Variants in TULP1 observed in about 807,000 individuals in gnomAD.
The protein encoded by TULP1 is tubby-related protein 1.
TULP1 carries 50 observed loss-of-function variants against 67.1 expected under a neutral mutation model. That is an observed-to-expected ratio of 0.75 (90% CI 0.59 to 0.94). TULP1 has a LOEUF of 0.94. Ranked by LOEUF, TULP1 falls within the 40% of genes least tolerant of loss-of-function variation. TULP1 has a pLI of 0.00. For synonymous variants in TULP1, 297 were observed against 294.0 expected (o/e 1.01, Z -0.11); for missense variants, 746 against 734.1 (o/e 1.02, Z -0.19).
At chr6:35,505,494 G>A in intron 11 of TULP1, 1 of 1,081,764 alleles carries the variant, frequency 9.2e-7, no homozygotes. Context: ...CCCTGGGCTG[G>A]CAGCAGTGTG....
Position 35,512,230 on chromosome 6 carries a change from T to C in TULP1, c.140A>G (p.Glu47Gly). Residue 47 changes from glutamate (E) to glycine (G), a missense_variant, in exon 3 of 15, where the codon GAG becomes GGG. Physicochemically the swap from Glu to Gly is moderately conservative, Grantham distance 98. Around this residue, in one of 3 missense-constraint regions of TULP1, gnomAD observed 359 missense variants for 341.9 expected, o/e 1.05. Coordinates refer to ENST00000229771, the MANE Select transcript of TULP1 (RefSeq NM_003322.6). ...PAQRLRKKRT[E>G]APESPCPTGS... ...CGTGGGGCAGGGGGATTCGGGGGCC[T>C]CCGTCCTCTTCTTCCTTAGCCTCTG... is the stretch of plus-strand genomic sequence containing the variant. The C allele has an allele frequency of 2.2e-6, 3 of 1,374,518 alleles. No homozygotes were observed. Among genetic ancestry groups the C allele is most frequent in the South Asian group, 2.1e-5 (1 of 47,580 alleles). 85.1% of individuals were successfully genotyped at this position (1,374,518 alleles called of 1,614,324 possible).
chr6:35,512,184 G>C lies in TULP1; in HGVS notation c.186C>G (p.Pro62=), dbSNP rs1435991385. ...PCPTGSKPRK[P]GAGRTGRPRE... ...CGGGCTCTGCACCCCGCCCACCTCC[G>C]GGCTTCCGGGGCTTGGATCCCGTGG... The change falls in exon 3 of 15, where the codon CCC becomes CCG. Residue 62 remains proline, a synonymous_variant. Transcript: ENST00000229771. 17 of 1,346,202 alleles carry C rather than the reference G, an allele frequency of 1.3e-5. No homozygotes were observed. The highest frequency in any genetic ancestry group is 2.8e-5 in the East Asian group (1 of 35,948). The allele number at this position is 1,346,202 out of a possible 1,614,324, so 83.4% of individuals were successfully genotyped here. A position where few individuals can be genotyped will look rare whatever the true frequency, so the allele number is the denominator to read the frequency against.
chr6:35,505,838 C>T lies in TULP1; in HGVS notation c.1015G>A (p.Gly339Ser). Residue 339 changes from glycine (G) to serine (S), a missense_variant, in exon 11 of 15, where the codon GGC becomes AGC. Transcript: ENST00000229771. ...GTCTTGCTCCGTTTTCGTTTCCTGCCAGCCAAGAGGAACACCTGGGGAAAA... is the reference window on the plus strand; with the variant it reads ...GTCTTGCTCCGTTTTCGTTTCCTGCTAGCCAAGAGGAACACCTGGGGAAAA... ...DTEKKVFLLA[G>S]RKRKRSKTAN... is the part of the protein sequence containing the mutation. The T allele has an allele frequency of 6.2e-7, 1 of 1,614,186 alleles. No individual in the cohort carries two copies. The highest frequency in any genetic ancestry group is 1.3e-5 in the African/African-American group (1 of 75,040).
chr6:35,501,750 T>C (rs1760967805), intron 13 of TULP1, among the ~76,000 whole-genome samples: 1 of 152,216 alleles, frequency 6.6e-6, no homozygotes, highest in South Asian at 2.1e-4. Flanking sequence ...AAGTAGAGGT[T>C]GCAGTGAGTT....
At chr6:35,500,222 G>A (rs1219507576) in intron 13 of TULP1, 70 bp from the exon 14 acceptor site, 17 of 1,553,154 alleles carry the variant, frequency 1.1e-5, no homozygotes, top group African/African-American at 1.4e-5. Flanking sequence ...AGGACTGACC[G>A]GAGAAGGGGC....
chr6:35,506,180 G>C lies in TULP1; in HGVS notation c.829-7C>G, dbSNP rs780382505. 3.7e-6 allele frequency: 6 copies of C among 1,613,192 alleles called. No homozygotes were observed. In the African/African-American group the frequency reaches 5.3e-5, roughly 14 times the overall value. ...ACGGGGCCCTCTCCTCCTTCTGGGT[G>C]GGGGCAGAGGGTACATCAGCCCCAG... On this transcript the variant is annotated splice_polypyrimidine_tract_variant and splice_region_variant and intron_variant, in intron 9 of 14. Coordinates refer to ENST00000229771, the MANE Select transcript of TULP1 (RefSeq NM_003322.6).
rs748624151 is a variant in TULP1 at position 35,506,135 on chromosome 6, G to A, written c.867C>T (p.Asp289=). ...ERAPSPPVEV[D]EPREFVLRPA... is the part of the protein sequence containing the mutation. ...GCCGGAGCACAAACTCCCGGGGTTCGTCCACCTCCACGGGGGGAGACGGGG... is the reference window on the plus strand; with the variant it reads ...GCCGGAGCACAAACTCCCGGGGTTCATCCACCTCCACGGGGGGAGACGGGG... Residue 289 remains aspartate (D), a synonymous_variant, in exon 10 of 15, where the codon GAC becomes GAT. Coordinates refer to ENST00000229771, the MANE Select transcript of TULP1 (RefSeq NM_003322.6). 8.1e-6 allele frequency: 13 copies of A among 1,613,498 alleles called. No homozygotes were observed. Among genetic ancestry groups the A allele is most frequent in the South Asian group, 3.3e-5 (3 of 91,066 alleles).
Position 35,505,823 on chromosome 6 carries a change from G to A in TULP1, c.1030C>T (p.Arg344Trp). The change falls in exon 11 of 15, where the codon CGG (arginine) becomes TGG (tryptophan). Residue 344 changes from arginine to tryptophan, a missense_variant. Arg to Trp is a moderately radical substitution (Grantham distance 101). Around this residue, in one of 3 missense-constraint regions of TULP1, gnomAD observed 383 missense variants for 374.1 expected, o/e 1.02. Coordinates refer to ENST00000229771, the MANE Select transcript of TULP1 (RefSeq NM_003322.6). ...VFLLAGRKRKRSKTANYLISI... is the reference protein window; with the variant it reads ...VFLLAGRKRKWSKTANYLISI... ...ATGAGGTAATTGGCTGTCTTGCTCC[G>A]TTTTCGTTTCCTGCCAGCCAAGAGG... 6.2e-7 allele frequency: 1 copy of A among 1,614,174 alleles called. No homozygotes were observed. The highest frequency in any genetic ancestry group is 8.5e-7 in the Non-Finnish European group (1 of 1,180,042).
chr6:35,499,931 C>T (rs771889677), intron 14 of TULP1, 50 bp downstream of exon 14: 1 of 1,607,578 alleles, frequency 6.2e-7, no homozygotes, highest in South Asian at 1.1e-5. Context: ...TGAAGGTCAG[C>T]ATCCTGGGGG....
intron 3 of TULP1, 63 bp downstream of exon 3, chr6:35,512,117 T>A: frequency 1.2e-6 from 1 of 849,950 alleles, no homozygotes; most frequent in Non-Finnish European, 1.5e-6. Context: ...GCGCCGGCCC[T>A]CAAGCCCCTC....
At position 35,497,995 on chromosome 6, in the gene TULP1, A is replaced by C; in HGVS notation, c.*332T>G. ...CCTAGCGCGGTCCCGGGGAGAGGGG[A>C]GGTTAAAACAACAATGACTACTGCT... On this transcript the variant is annotated 3_prime_UTR_variant, in exon 15 of 15. Transcript: ENST00000229771. The C allele has an allele frequency of 4.4e-6, 2 of 457,836 alleles. No homozygotes were observed. Among genetic ancestry groups the C allele is most frequent in the Non-Finnish European group, 4.0e-6 (1 of 249,298 alleles). The allele number at this position is 457,836 out of a possible 1,614,324, so 28.4% of individuals were successfully genotyped here. A position where few individuals can be genotyped will look rare whatever the true frequency, so the allele number is the denominator to read the frequency against.
intron 3 of TULP1, 134 bp downstream of exon 3, chr6:35,512,046 T>G: frequency 4.0e-6 from 1 of 251,216 alleles, no homozygotes; most frequent in Non-Finnish European, 6.3e-6. Flanking sequence ...CCCCAATCCC[T>G]CCCCTCTCAT....
Position 35,497,925 on chromosome 6 carries a change from C to G in TULP1, c.*402G>C, listed in dbSNP as rs577224839. ...GATGTGGGTGCCTGGCCCTCGTCCCCCATCACCTACCCCCTCCTCCTAGCC... is the reference window on the plus strand; with the variant it reads ...GATGTGGGTGCCTGGCCCTCGTCCCGCATCACCTACCCCCTCCTCCTAGCC... On this transcript the variant is annotated 3_prime_UTR_variant, in exon 15 of 15. Transcript: ENST00000229771. 3 of 282,028 alleles carry G rather than the reference C, an allele frequency of 1.1e-5. No homozygotes were observed. The South Asian group carries it at 1.3e-4, about 12-fold the overall frequency. 17.5% of individuals were successfully genotyped at this position (282,028 alleles called of 1,614,324 possible).
rs1422751896 is a variant in TULP1 at position 35,511,731 on chromosome 6, G to A, written c.266C>T (p.Ala89Val). 10 of 1,591,132 alleles carry A rather than the reference G, an allele frequency of 6.3e-6. No homozygotes were observed. The highest frequency in any genetic ancestry group is 8.6e-6 in the Non-Finnish European group (10 of 1,169,172). ...GGCCTCGGGGTCCCTGAGGAACCTG[G>A]CGTAGACCGTCTGCGGCGCCCGGGC... ...AQARAPQTVY[A>V]RFLRDPEAKK... Residue 89 changes from alanine to valine, a missense_variant, in exon 4 of 15, where the codon GCC becomes GTC. Coordinates refer to ENST00000229771, the MANE Select transcript of TULP1 (RefSeq NM_003322.6).
Position 35,497,990 on chromosome 6 carries a change from A to G in TULP1, c.*337T>C. On this transcript the variant is annotated 3_prime_UTR_variant, in exon 15 of 15. Coordinates refer to ENST00000229771, the MANE Select transcript of TULP1 (RefSeq NM_003322.6). Reference sequence around the variant, plus strand: ...GGAGCCCTAGCGCGGTCCCGGGGAGAGGGGAGGTTAAAACAACAATGACTA... The same window carrying G: ...GGAGCCCTAGCGCGGTCCCGGGGAGGGGGGAGGTTAAAACAACAATGACTA... The G allele has an allele frequency of 2.3e-6, 1 of 429,276 alleles. No individual in the cohort carries two copies. 26.6% of individuals were successfully genotyped at this position (429,276 alleles called of 1,614,324 possible).
At chr6:35,510,705 C>T (rs1363839441) in intron 5 of TULP1, 156 bp downstream of exon 5, 18 of 1,543,442 alleles carry the variant, frequency 1.2e-5, no homozygotes, top group Non-Finnish European at 1.6e-5. Context: ...CCTTAAGGAC[C>T]ATCGTGGGGA....
intron 8 of TULP1, among the ~76,000 whole-genome samples, chr6:35,506,623 C>G (rs1440423511): frequency 6.6e-6 from 1 of 152,202 alleles, no homozygotes; most frequent in African/African-American, 2.4e-5. Context: ...TAAATTCTAT[C>G]AGGGTGCCAT....
At chr6:35,499,610 T>A (rs1768783995) in intron 14 of TULP1, among the ~76,000 whole-genome samples, 1 of 152,234 alleles carries the variant, frequency 6.6e-6, no homozygotes, top group East Asian at 1.9e-4. Flanking sequence ...GGCAAAGGGC[T>A]GCCCTCTCTG....
In TULP1 at chr6:35,509,911, C is replaced by G. The variant is rs377576422; in HGVS notation, c.517G>C (p.Asp173His). Residue 173 changes from aspartate (D) to histidine (H), a missense_variant, in exon 6 of 15, where the codon GAC becomes CAC. Around this residue, in one of 3 missense-constraint regions of TULP1, gnomAD observed 359 missense variants for 341.9 expected, o/e 1.05. Transcript: ENST00000229771. ...ACACGCAGAGGTTTCGGTGGGGGGTCAGGGCTTCCCAGGTCTCCTGGAAAT... is the reference window on the plus strand; with the variant it reads ...ACACGCAGAGGTTTCGGTGGGGGGTGAGGGCTTCCCAGGTCTCCTGGAAAT... ...QGPRGDLGSPDPPPKPLRVRN... is the reference protein window; with the variant it reads ...QGPRGDLGSPHPPPKPLRVRN... 2.2e-5 allele frequency: 35 copies of G among 1,613,616 alleles called. No individual in the cohort carries two copies. Among genetic ancestry groups the G allele is most frequent in the Middle Eastern group, 3.3e-4 (2 of 6,084 alleles).
Sources: gnomAD v4.1 joint callset for allele counts (sites outside exome capture counted in the v4.1 genomes callset) on GRCh38, gnomAD v4.1.1 for gene constraint, gnomAD v4.1.1 regional missense constraint, MANE v1.5 for transcripts, NCBI Gene and HGNC (gene_info 2026-07-23, HGNC 2026-07-21) for gene names.